Variants in NTRK3 observed in about 807,000 individuals in gnomAD.
NTRK3 encodes the protein NT-3 growth factor receptor.
Under a neutral mutation model 91.7 loss-of-function variants are expected in NTRK3, and 24 were observed. That is an observed-to-expected ratio of 0.26 (90% CI 0.19 to 0.37). The LOEUF (loss-of-function observed/expected upper bound fraction) is 0.37, where lower values mean the gene tolerates loss of function less well. NTRK3 is among the 10% of genes least tolerant of loss of function. The probability of loss-of-function intolerance (pLI) is 1.00; values close to 1 mark genes in which losing one functional copy is unlikely to be tolerated. For missense variants in NTRK3, 880 were observed against 1,068.9 expected (o/e 0.82, Z 2.46); for synonymous variants, 483 against 404.0 (o/e 1.20, Z -2.34).
chr15:88,048,382 GAGAC>G (rs2080455011), intron 13 of NTRK3, among the ~76,000 whole-genome samples: 2 of 152,184 alleles, frequency 1.3e-5, no homozygotes, highest in East Asian at 1.9e-4. Flanking sequence ...TATGGGTAAG[GAGAC>G]AGACAGCTCT....
intron 14 of NTRK3, chr15:87,978,886 GTCACTA>G: frequency 3.7e-6 from 1 of 270,678 alleles, no homozygotes; most frequent in Non-Finnish European, 7.1e-6. Flanking sequence ...GGGCGACGAG[GTCACTA>G]AGAGGACAGC....
At chr15:88,052,473 C>T (rs12592635) in intron 13 of NTRK3, among the ~76,000 whole-genome samples, 18,197 of 152,244 alleles carry the variant, frequency 0.12, 1,309 homozygotes, top group African/African-American at 0.2. Context: ...ACTCTAACTC[C>T]AACATGCTAA....
chr15:88,133,715 C>T (rs2041606878), intron 10 of NTRK3, among the ~76,000 whole-genome samples: 1 of 152,166 alleles, frequency 6.6e-6, no homozygotes, highest in African/African-American at 2.4e-5. Flanking sequence ...CATCTACCTG[C>T]TGAAAGAGAG....
exon 19 of NTRK3, chr15:87,871,673 A>C (rs572942430): frequency 4.4e-6 from 1 of 228,614 alleles, no homozygotes; most frequent in African/African-American, 2.2e-5. Flanking sequence ...ATCTTCCTGA[A>C]TGTTTCTGAG....
chr15:87,939,906 A>G (rs184097214), intron 15 of NTRK3, among the ~76,000 whole-genome samples: 6 of 152,370 alleles, frequency 3.9e-5, no homozygotes, highest in African/African-American at 1.4e-4. Context: ...AAGGACAACT[A>G]GTAGTAGCAA....
At chr15:88,014,253 C>A (rs775097653) in intron 14 of NTRK3, among the ~76,000 whole-genome samples, 3 of 152,160 alleles carry the variant, frequency 2.0e-5, no homozygotes, top group Non-Finnish European at 4.4e-5. Flanking sequence ...CAAAAAACAT[C>A]AACTTTGGGG....
At chr15:88,093,663 T>C (rs2049263517) in intron 13 of NTRK3, among the ~76,000 whole-genome samples, 1 of 152,170 alleles carries the variant, frequency 6.6e-6, no homozygotes, top group Admixed American at 6.5e-5. Context: ...GTCTGATCCC[T>C]GAATCAGCAG....
chr15:88,199,075 C>A (rs1345392833), intron 3 of NTRK3, among the ~76,000 whole-genome samples: 1 of 152,138 alleles, frequency 6.6e-6, no homozygotes, highest in African/African-American at 2.4e-5. Flanking sequence ...CTAAGCCAGG[C>A]ACTGATCCTT....
chr15:88,129,026 T>C (rs1364698135), intron 10 of NTRK3, among the ~76,000 whole-genome samples: 2 of 152,162 alleles, frequency 1.3e-5, no homozygotes, highest in African/African-American at 4.8e-5. Flanking sequence ...GATAGGGAAT[T>C]AAAACTAGAC....
exon 19 of NTRK3, chr15:87,873,079 G>T: frequency 4.3e-6 from 1 of 232,876 alleles, no homozygotes; most frequent in East Asian, 6.1e-5. Flanking sequence ...AGCCCCAGAA[G>T]CTGGCTGACA....
At chr15:88,211,344 G>A (rs896634223) in intron 3 of NTRK3, among the ~76,000 whole-genome samples, 35 of 152,316 alleles carry the variant, frequency 2.3e-4, no homozygotes, top group African/African-American at 7.9e-4. Context: ...GTATCAAAAT[G>A]TCACTCTTTT....
At chr15:88,129,022 G>T (rs188496025) in intron 10 of NTRK3, among the ~76,000 whole-genome samples, 34 of 152,284 alleles carry the variant, frequency 2.2e-4, no homozygotes, top group African/African-American at 7.7e-4. Flanking sequence ...AGATGATAGG[G>T]AATTAAAACT....
chr15:87,984,478 C>G (rs1271074866), intron 14 of NTRK3, among the ~76,000 whole-genome samples: 1 of 152,130 alleles, frequency 6.6e-6, no homozygotes, highest in Non-Finnish European at 1.5e-5. Context: ...CTTCTCATGC[C>G]ATCGGATTCA....
chr15:87,915,100 GGGTGGTGATGGT>G (rs2067357315), intron 17 of NTRK3, among the ~76,000 whole-genome samples: 1 of 151,890 alleles, frequency 6.6e-6, no homozygotes, highest in African/African-American at 2.4e-5. Context: ...CTGGTGATGG[GGGTGGTGATGGT>G]GGTGGTGGTG....
intron 17 of NTRK3, among the ~76,000 whole-genome samples, chr15:87,913,385 G>A (rs2067231579): frequency 1.3e-5 from 2 of 152,100 alleles, no homozygotes; most frequent in South Asian, 4.1e-4. Context: ...GCCTAACAGG[G>A]TCCAGCAGAA....
At chr15:88,035,895 G>A (rs1444912430) in intron 13 of NTRK3, among the ~76,000 whole-genome samples, 6 of 152,072 alleles carry the variant, frequency 3.9e-5, no homozygotes, top group South Asian at 2.1e-4. Flanking sequence ...AATTACGATC[G>A]TCAAAATTTT....
intron 3 of NTRK3, among the ~76,000 whole-genome samples, chr15:88,212,531 T>C (rs2049344963): frequency 6.6e-6 from 1 of 152,140 alleles, no homozygotes. Flanking sequence ...AAAGCTGCCA[T>C]TTAGCTGTGG....
intron 3 of NTRK3, among the ~76,000 whole-genome samples, chr15:88,245,017 A>T (rs1233681900): frequency 2.0e-5 from 3 of 152,212 alleles, no homozygotes; most frequent in African/African-American, 7.2e-5. Context: ...ACACTCTGAC[A>T]CTTGGTATTC....
At chr15:88,006,277 G>A (rs554304820) in intron 14 of NTRK3, among the ~76,000 whole-genome samples, 19 of 152,156 alleles carry the variant, frequency 1.2e-4, no homozygotes, top group Non-Finnish European at 2.5e-4. Flanking sequence ...GTGTTCCTCG[G>A]GAAAGGGATT....
Sources: gnomAD v4.1 joint callset for allele counts (sites outside exome capture counted in the v4.1 genomes callset) on GRCh38, gnomAD v4.1.1 for gene constraint, MANE v1.5 for transcripts, NCBI Gene and HGNC (gene_info 2026-07-23, HGNC 2026-07-21) for gene names.